Variants in SCHIP1 observed in about 807,000 individuals in gnomAD.
The protein encoded by SCHIP1 is schwannomin interacting protein 1, also known as schwannomin-interacting protein 1.
A neutral mutation model predicts 29.7 loss-of-function variants in SCHIP1; 8 were observed. That is an observed-to-expected ratio of 0.27 (90% CI 0.16 to 0.49). The LOEUF is 0.49. Ranked by LOEUF, SCHIP1 falls within the 20% of genes least tolerant of loss-of-function variation. The pLI, the probability that SCHIP1 is intolerant of heterozygous loss-of-function variation, is 0.99. For synonymous variants in SCHIP1, 76 were observed against 94.9 expected, an observed-to-expected ratio of 0.80 and a Z score of 1.16; for missense variants, 193 against 294.6, an observed-to-expected ratio of 0.66 and a Z score of 2.52.
At chr3:159,731,631 T>G in the SCHIP1 span, among the ~76,000 whole-genome samples, 1 of 152,234 alleles carries the variant, frequency 6.6e-6, no homozygotes, top group East Asian at 1.9e-4. Context: ...CTCTTCAGTC[T>G]TCTCTCTTTT....
At chr3:159,522,554 C>CCTGT in the SCHIP1 span, among the ~76,000 whole-genome samples, 43 of 152,156 alleles carry the variant, frequency 2.8e-4, no homozygotes, top group African/African-American at 1.0e-3. Flanking sequence ...AATTTAGAAG[C>CCTGT]CTGTCTACTG....
intron 4 of SCHIP1, chr3:159,888,438 G>T (rs1717168866): frequency 5.0e-6 from 1 of 198,238 alleles, no homozygotes; most frequent in Admixed American, 5.3e-5. Context: ...GTGAGATAAA[G>T]TATTCAAAGC....
chr3:159,671,180 A>G, the SCHIP1 span, among the ~76,000 whole-genome samples: 3 of 151,962 alleles, frequency 2.0e-5, no homozygotes, highest in African/African-American at 2.4e-5. Context: ...TTTCCTCAAT[A>G]CCATCCCCCA....
At chr3:159,822,860 G>C in the SCHIP1 span, among the ~76,000 whole-genome samples, 1 of 151,800 alleles carries the variant, frequency 6.6e-6, no homozygotes, top group Non-Finnish European at 1.5e-5. Flanking sequence ...TTAATTGTTT[G>C]CAAGCAAGAG....
chr3:159,397,928 C>T, the SCHIP1 span, among the ~76,000 whole-genome samples: 1 of 152,232 alleles, frequency 6.6e-6, no homozygotes, highest in South Asian at 2.1e-4. Flanking sequence ...CCCAGCCTCG[C>T]TGCCACCTTG....
In SCHIP1 at chr3:159,886,203, C is replaced by G. The variant is rs376207118; in HGVS notation, c.150-4C>G. 74 of 1,613,858 alleles carry G rather than the reference C, an allele frequency of 4.6e-5. No homozygotes were observed. The highest frequency in any genetic ancestry group is 6.0e-5 in the Non-Finnish European group (71 of 1,179,914). ...GAACTAGTGTCCTGTTTGTTTCTGCCCAGACTGCAGAGTGGGATGAACTTG... is the reference window on the plus strand; with the variant it reads ...GAACTAGTGTCCTGTTTGTTTCTGCGCAGACTGCAGAGTGGGATGAACTTG... On this transcript the variant is annotated splice_polypyrimidine_tract_variant and splice_region_variant and intron_variant, in intron 2 of 6. Transcript: ENST00000445224.
chr3:159,432,329 TGTGTGTGTGTGAGAGAGA>T, the SCHIP1 span, among the ~76,000 whole-genome samples: 403 of 99,934 alleles, frequency 4.0e-3, no homozygotes, highest in Non-Finnish European at 5.3e-3. Context: ...TGTGTGTGTG[TGTGTGTGTGTGAGAGAGA>T]GAGAGAGAGA....
At chr3:159,350,400 A>T in the SCHIP1 span, among the ~76,000 whole-genome samples, 3 of 152,172 alleles carry the variant, frequency 2.0e-5, no homozygotes, top group Non-Finnish European at 4.4e-5. Flanking sequence ...ATTGTATAGT[A>T]AAAAAGGGTT....
At chr3:159,399,337 A>C in the SCHIP1 span, among the ~76,000 whole-genome samples, 291 of 152,204 alleles carry the variant, frequency 1.9e-3, 2 homozygotes, top group African/African-American at 6.8e-3. Context: ...GTATTGTATT[A>C]GATCATGTGT....
chr3:159,438,217 A>G, the SCHIP1 span, among the ~76,000 whole-genome samples: 2 of 152,244 alleles, frequency 1.3e-5, no homozygotes, highest in East Asian at 1.9e-4. Context: ...GAAATGGGGT[A>G]TAGGGCTGGG....
chr3:159,305,665 T>C, the SCHIP1 span, among the ~76,000 whole-genome samples: 1 of 152,232 alleles, frequency 6.6e-6, no homozygotes, highest in Non-Finnish European at 1.5e-5. Flanking sequence ...AGAGTTATAA[T>C]AAGTGCCTAC....
At chr3:159,711,184 A>G in the SCHIP1 span, among the ~76,000 whole-genome samples, 2 of 151,668 alleles carry the variant, frequency 1.3e-5, no homozygotes, top group Non-Finnish European at 2.9e-5. Context: ...AAAATGAAAG[A>G]ATAATATTCT....
chr3:159,580,882 A>C, the SCHIP1 span, among the ~76,000 whole-genome samples: 1 of 152,180 alleles, frequency 6.6e-6, no homozygotes, highest in African/African-American at 2.4e-5. Flanking sequence ...GTTCCTTCCC[A>C]TGCACTTTCC....
the SCHIP1 span, among the ~76,000 whole-genome samples, chr3:159,641,165 G>T: frequency 6.6e-6 from 1 of 152,116 alleles, no homozygotes; most frequent in African/African-American, 2.4e-5. Flanking sequence ...TGTTGAATCT[G>T]CATTAAATAA....
the SCHIP1 span, among the ~76,000 whole-genome samples, chr3:159,711,205 T>TAAAA: frequency 2.0e-4 from 25 of 126,826 alleles, no homozygotes; most frequent in South Asian, 9.5e-4. Flanking sequence ...TTAAGAAATT[T>TAAAA]AAAAAATTAG....
the SCHIP1 span, among the ~76,000 whole-genome samples, chr3:159,556,875 A>T: frequency 1.3e-5 from 2 of 151,674 alleles, no homozygotes; most frequent in African/African-American, 4.8e-5. Context: ...TATGTAACAA[A>T]CCTGCACATT....
chr3:159,884,974 A>G (rs896927487), intron 2 of SCHIP1, among the ~76,000 whole-genome samples: 1 of 152,200 alleles, frequency 6.6e-6, no homozygotes, highest in African/African-American at 2.4e-5. Flanking sequence ...TTCAGTAATT[A>G]CAGAATTTAA....
chr3:159,888,151 C>A, intron 4 of SCHIP1: 1 of 539,898 alleles, frequency 1.9e-6, no homozygotes, highest in Non-Finnish European at 3.3e-6. Context: ...TTCTTAGCAA[C>A]AATATTAGCT....
chr3:159,540,425 G>T, the SCHIP1 span, among the ~76,000 whole-genome samples: 2 of 152,026 alleles, frequency 1.3e-5, no homozygotes, highest in African/African-American at 2.4e-5. Flanking sequence ...CTAGTGATGT[G>T]ATAAAAATAT....
Sources: allele counts gnomAD v4.1 joint callset (sites outside exome capture counted in the v4.1 genomes callset), GRCh38; gene constraint gnomAD v4.1.1; transcripts MANE v1.5; gene names NCBI Gene and HGNC (gene_info 2026-07-23, HGNC 2026-07-21).